Variants in SLC24A3 observed in about 807,000 individuals in gnomAD.
SLC24A3 encodes solute carrier family 24 member 3, also known as sodium/potassium/calcium exchanger 3.
A neutral mutation model predicts 75.8 loss-of-function variants in SLC24A3; 28 were observed. The observed-to-expected ratio is 0.37, with a 90% confidence interval of 0.27 to 0.51. SLC24A3 has a LOEUF of 0.51. Ranked by LOEUF, SLC24A3 falls within the 20% of genes least tolerant of loss-of-function variation. SLC24A3 has a pLI of 0.94. For missense variants in SLC24A3, 663 were observed against 847.8 expected (o/e 0.78, Z 2.71); for synonymous variants, 372 against 334.1 (o/e 1.11, Z -1.24).
intron 2 of SLC24A3, among the ~76,000 whole-genome samples, chr20:19,314,610 C>G (rs1984540929): frequency 6.6e-6 from 1 of 152,194 alleles, no homozygotes; most frequent in South Asian, 2.1e-4. Flanking sequence ...CTACTGCGCC[C>G]TGCCTTTAAA....
intron 1 of SLC24A3, among the ~76,000 whole-genome samples, chr20:19,236,614 G>T (rs1227024407): frequency 6.6e-6 from 1 of 152,112 alleles, no homozygotes; most frequent in African/African-American, 2.4e-5. Context: ...AAATTGGCCA[G>T]GCATGGTGGT....
chr20:19,685,001 T>G, intron 11 of SLC24A3, 99 bp from the exon 12 acceptor site: 1 of 1,444,270 alleles, frequency 6.9e-7, no homozygotes. Context: ...TGGAAGCATA[T>G]CGTCAGCTGC....
At chr20:19,477,987 A>T (rs1294659335) in intron 2 of SLC24A3, among the ~76,000 whole-genome samples, 1 of 152,226 alleles carries the variant, frequency 6.6e-6, no homozygotes, top group Non-Finnish European at 1.5e-5. Context: ...AGGTCCCTGG[A>T]CATCAATTCC....
At chr20:19,346,948 C>A in intron 2 of SLC24A3, among the ~76,000 whole-genome samples, 1 of 152,080 alleles carries the variant, frequency 6.6e-6, no homozygotes, top group East Asian at 1.9e-4. Context: ...GGATAGACAG[C>A]CCCAAATTTG....
intron 6 of SLC24A3, among the ~76,000 whole-genome samples, chr20:19,599,395 G>A (rs959320041): frequency 6.6e-6 from 1 of 151,760 alleles, no homozygotes; most frequent in Non-Finnish European, 1.5e-5. Flanking sequence ...CGCACCTGGC[G>A]GACGGCGTGT....
At chr20:19,567,871 G>T (rs117603397) in intron 3 of SLC24A3, among the ~76,000 whole-genome samples, 51 of 152,238 alleles carry the variant, frequency 3.4e-4, no homozygotes, top group Non-Finnish European at 5.7e-4. Flanking sequence ...GAAAATATTT[G>T]CAAATCGTAT....
intron 2 of SLC24A3, among the ~76,000 whole-genome samples, chr20:19,507,253 C>T (rs1988474240): frequency 6.6e-6 from 1 of 152,166 alleles, no homozygotes; most frequent in African/African-American, 2.4e-5. Context: ...CAACCTTAAC[C>T]TCCCTCCCCC....
At chr20:19,452,319 T>C (rs946793521) in intron 2 of SLC24A3, among the ~76,000 whole-genome samples, 1 of 151,796 alleles carries the variant, frequency 6.6e-6, no homozygotes, top group Non-Finnish European at 1.5e-5. Flanking sequence ...TTACAACTTG[T>C]TAATGGCAAA....
chr20:19,596,427 A>C (rs952422606), intron 6 of SLC24A3, among the ~76,000 whole-genome samples: 2 of 152,240 alleles, frequency 1.3e-5, no homozygotes, highest in Non-Finnish European at 2.9e-5. Context: ...TTAACTGTAC[A>C]AATGAGTACA....
At chr20:19,549,682 G>A (rs1302871182) in intron 3 of SLC24A3, among the ~76,000 whole-genome samples, 4 of 152,178 alleles carry the variant, frequency 2.6e-5, no homozygotes, top group African/African-American at 9.7e-5. Context: ...TACTCAGGAG[G>A]CTGAGGCACG....
chr20:19,545,261 G>T (rs747820656), intron 3 of SLC24A3, among the ~76,000 whole-genome samples: 8 of 152,196 alleles, frequency 5.3e-5, no homozygotes, highest in Non-Finnish European at 1.0e-4. Flanking sequence ...ATGAGTTCGT[G>T]AGCAGTCCAG....
At chr20:19,617,937 A>C (rs2031756832) in intron 6 of SLC24A3, among the ~76,000 whole-genome samples, 1 of 139,060 alleles carries the variant, frequency 7.2e-6, no homozygotes. Flanking sequence ...GAGCTTAAAA[A>C]CTCCTCTCAT....
chr20:19,454,742 C>T (rs1392208712), intron 2 of SLC24A3, among the ~76,000 whole-genome samples: 2 of 152,186 alleles, frequency 1.3e-5, no homozygotes, highest in Non-Finnish European at 2.9e-5. Context: ...ATCTGCACAA[C>T]CTGCAGATGA....
At chr20:19,337,369 G>A (rs1423896263) in intron 2 of SLC24A3, among the ~76,000 whole-genome samples, 2 of 152,152 alleles carry the variant, frequency 1.3e-5, no homozygotes, top group African/African-American at 4.8e-5. Context: ...ACTTGAACCT[G>A]GGAGGTGGAG....
In SLC24A3 at chr20:19,685,294, GAAT is replaced by G; in HGVS notation, c.1258_1260del (p.Asn420del). On this transcript the variant is annotated inframe_deletion, in exon 12 of 17. Transcript: ENST00000328041. The stretch of plus-strand genomic sequence containing the variant: ...CAGAGAATGAAAATGAGGACAATGA[GAAT>G]GATGAGGAGGAAGAGGAGGACGAGG... 6.2e-7 allele frequency: 1 copy of G among 1,614,100 alleles called. No homozygotes were observed. The highest frequency in any genetic ancestry group is 8.5e-7 in the Non-Finnish European group (1 of 1,180,000).
At chr20:19,461,724 G>A (rs192388043) in intron 2 of SLC24A3, among the ~76,000 whole-genome samples, 2 of 151,754 alleles carry the variant, frequency 1.3e-5, no homozygotes, top group African/African-American at 4.8e-5. Flanking sequence ...GTAGAGACGA[G>A]GTTTCACCAT....
chr20:19,389,905 C>T (rs1036621766), intron 2 of SLC24A3, among the ~76,000 whole-genome samples: 1 of 152,110 alleles, frequency 6.6e-6, no homozygotes, highest in Admixed American at 6.5e-5. Flanking sequence ...ATCCTTTCTT[C>T]ACTCTTTAAA....
At chr20:19,696,015 C>CTTT (rs778046824) in intron 13 of SLC24A3, among the ~76,000 whole-genome samples, 46,753 of 106,978 alleles carry the variant, frequency 0.44, 11,690 homozygotes, top group South Asian at 0.57. Flanking sequence ...TTTTCCTTTT[C>CTTT]TTTTTTTTTT....
intron 2 of SLC24A3, among the ~76,000 whole-genome samples, chr20:19,427,716 G>A (rs1401767612): frequency 6.6e-6 from 1 of 152,182 alleles, no homozygotes; most frequent in Non-Finnish European, 1.5e-5. Flanking sequence ...GACCCAGAGA[G>A]GATAAAGATC....
Sources: gnomAD v4.1 joint callset for allele counts (sites outside exome capture counted in the v4.1 genomes callset) on GRCh38, gnomAD v4.1.1 for gene constraint, MANE v1.5 for transcripts, NCBI Gene and HGNC (gene_info 2026-07-23, HGNC 2026-07-21) for gene names.